AOAH: variants seen among roughly 807,000 people sequenced by gnomAD.
AOAH encodes acyloxyacyl hydrolase (neutrophil).
Under a neutral mutation model 92.2 loss-of-function variants are expected in AOAH, and 64 were observed. The ratio of observed to expected loss-of-function variants is 0.69; its 90% CI spans 0.57 to 0.86. The LOEUF is 0.86. Among genes scored for constraint, AOAH ranks in the 40% least tolerant of loss-of-function variants. The pLI, the probability that AOAH is intolerant of heterozygous loss-of-function variation, is 0.00. For synonymous variants in AOAH, 263 were observed against 254.5 expected (o/e 1.03, Z -0.32); for missense variants, 656 against 694.6 (o/e 0.94, Z 0.62).
intron 13 of AOAH, among the ~76,000 whole-genome samples, chr7:36,564,450 G>A (rs1350371904): frequency 1.3e-5 from 2 of 152,200 alleles, no homozygotes; most frequent in Non-Finnish European, 2.9e-5. Flanking sequence ...GGAGAGGAGG[G>A]GAGTGGTGGG....
intron 1 of AOAH, among the ~76,000 whole-genome samples, chr7:36,712,580 T>G (rs28491627): frequency 0.016 from 2,414 of 152,164 alleles, 71 homozygotes; most frequent in African/African-American, 0.055. Context: ...TCAAGCATAG[T>G]CGACCCCTGG....
chr7:36,699,501 CATT>C (rs1352168956), intron 1 of AOAH, among the ~76,000 whole-genome samples: 1 of 152,024 alleles, frequency 6.6e-6, no homozygotes, highest in Non-Finnish European at 1.5e-5. Flanking sequence ...GATCATGTCT[CATT>C]GTAGTTTTGA....
chr7:36,698,520 T>C (rs1172057054), intron 1 of AOAH, among the ~76,000 whole-genome samples: 2 of 152,084 alleles, frequency 1.3e-5, no homozygotes, highest in East Asian at 3.8e-4. Flanking sequence ...TGGAAACATA[T>C]TATTAATTTT....
rs68054405 is a variant in AOAH, at chr7:36,517,226, GTCTC to G, written c.1600-3850_1600-3847del. Among the ~76,000 whole-genome samples, 320 of 121,492 alleles carry G rather than the reference GTCTC, an allele frequency of 2.6e-3. 8 individuals are homozygous for G. The highest frequency in any genetic ancestry group is 7.6e-3 in the African/African-American group (179 of 23,636). The allele number at this position is 121,492 out of a possible 152,430, so 79.7% of individuals were successfully genotyped here. A position where few individuals can be genotyped will look rare whatever the true frequency, so the allele number is the denominator to read the frequency against. ...TCTTTCTTTCTTTCTCTTTCTTTCT[GTCTC>G]TCTCTCTCTCTCTCTTTCTTTCTGT... On this transcript the variant is annotated intron_variant, in intron 20 of 20. Transcript: ENST00000617537.
At chr7:36,663,983 GTTTA>G (rs1466496549) in intron 3 of AOAH, among the ~76,000 whole-genome samples, 2 of 151,776 alleles carry the variant, frequency 1.3e-5, no homozygotes, top group African/African-American at 2.4e-5. Context: ...CTTTTCATAA[GTTTA>G]TTTGTTATCT....
At chr7:36,549,043 A>C (rs6973404) in intron 14 of AOAH, among the ~76,000 whole-genome samples, 20,147 of 152,180 alleles carry the variant, frequency 0.13, 1,398 homozygotes, top group African/African-American at 0.16. Flanking sequence ...TCTTAGGATA[A>C]CCTGGCAGCC....
intron 13 of AOAH, among the ~76,000 whole-genome samples, chr7:36,555,196 G>C (rs374330956): frequency 5.0e-4 from 75 of 151,084 alleles, no homozygotes; most frequent in Middle Eastern, 3.4e-3. Flanking sequence ...TAGCATGAAG[G>C]GTTGTTGAAT....
chr7:36,679,630 A>G (rs1246880020), intron 2 of AOAH, among the ~76,000 whole-genome samples: 1 of 151,366 alleles, frequency 6.6e-6, no homozygotes, highest in Non-Finnish European at 1.5e-5. Context: ...ATTATATACA[A>G]ACTTGAAGCA....
Position 36,673,829 on chromosome 7 carries a change from G to A in AOAH, c.290+114C>T, listed in dbSNP as rs981198300. The A allele has an allele frequency of 8.8e-6, 6 of 684,464 alleles. No individual in the cohort carries two copies. The Admixed American group carries it at 8.9e-5, about 10-fold the overall frequency. 42.4% of individuals were successfully genotyped at this position (684,464 alleles called of 1,614,324 possible). On this transcript the variant is annotated intron_variant, in intron 3 of 20. Coordinates refer to ENST00000617537, the MANE Select transcript of AOAH (RefSeq NM_001637.4). The stretch of plus-strand genomic sequence containing the variant: ...TTACTAAGAGCTGGAATAACACCTC[G>A]AGCCCTGTCCAGAAAGCGCATCATG...
Position 36,659,029 on chromosome 7 carries a change from G to A in AOAH, c.390+137C>T, listed in dbSNP as rs750160207. The stretch of plus-strand genomic sequence containing the variant: ...AAAATGCAGGAATATTATTTCTTGC[G>A]GGGTAATTGAAAATGTCATCTTGCC... On this transcript the variant is annotated intron_variant, in intron 4 of 20. Coordinates refer to ENST00000617537, the MANE Select transcript of AOAH (RefSeq NM_001637.4). The A allele has an allele frequency of 8.5e-5, 61 of 714,470 alleles. No individual in the cohort carries two copies. In the Middle Eastern group the frequency reaches 1.0e-3, roughly 12 times the overall value. 44.3% of individuals were successfully genotyped at this position (714,470 alleles called of 1,614,324 possible). A position where few individuals can be genotyped will look rare whatever the true frequency, so the allele number is the denominator to read the frequency against.
chr7:36,717,321 CT>C (rs1375525007), intron 1 of AOAH, among the ~76,000 whole-genome samples: 1 of 152,106 alleles, frequency 6.6e-6, no homozygotes, highest in African/African-American at 2.4e-5. Flanking sequence ...TCAGTGAGAG[CT>C]ATCCCCTCAC....
At position 36,522,068 on chromosome 7, in the gene AOAH, C is replaced by G. The variant is rs776031901; in HGVS notation, c.1570G>C (p.Glu524Gln). The change falls in exon 20 of 21, where the codon GAG (glutamate) becomes CAG (glutamine). Residue 524 changes from glutamate (E) to glutamine (Q), a missense_variant. Glu to Gln is a conservative substitution (Grantham distance 29, BLOSUM62 2). Coordinates refer to ENST00000617537, the MANE Select transcript of AOAH (RefSeq NM_001637.4). ...KRGGQPWQLI[E>Q]PVDGFHPNEV... is the part of the protein sequence containing the mutation. The stretch of plus-strand genomic sequence containing the variant: ...TTGGGGTGGAATCCATCCACGGGCT[C>G]GATGAGCTGCCAGGGCTGTCCGCCT... 1.9e-6 allele frequency: 3 copies of G among 1,614,222 alleles called. No individual in the cohort carries two copies. The highest frequency in any genetic ancestry group is 2.2e-5 in the South Asian group (2 of 91,080).
chr7:36,682,279 C>A (rs1237182311), intron 2 of AOAH, among the ~76,000 whole-genome samples: 1 of 151,902 alleles, frequency 6.6e-6, no homozygotes, highest in Admixed American at 6.5e-5. Flanking sequence ...TCAGAAAAAT[C>A]TCAGAAAGCA....
chr7:36,621,569 C>T, intron 8 of AOAH, 141 bp downstream of exon 8: 3 of 844,676 alleles, frequency 3.6e-6, no homozygotes, highest in Non-Finnish European at 5.8e-6. Flanking sequence ...GTTCTTTTTT[C>T]ACTGAGCTTT....
intron 11 of AOAH, among the ~76,000 whole-genome samples, chr7:36,602,001 G>A (rs535845999): frequency 1.3e-5 from 2 of 152,294 alleles, no homozygotes; most frequent in African/African-American, 4.8e-5. Context: ...CAGATCAGTA[G>A]CAATAACTAC....
intron 20 of AOAH, among the ~76,000 whole-genome samples, chr7:36,513,600 G>A (rs965627955): frequency 3.3e-5 from 5 of 152,208 alleles, no homozygotes; most frequent in African/African-American, 1.2e-4. Flanking sequence ...CTGCTTCAGC[G>A]ATGGTGTCAC....
At chr7:36,692,663 A>G (rs1364658728) in intron 1 of AOAH, among the ~76,000 whole-genome samples, 3 of 152,172 alleles carry the variant, frequency 2.0e-5, no homozygotes, top group Non-Finnish European at 4.4e-5. Context: ...TGATTTAGAA[A>G]TATACTAAAA....
intron 1 of AOAH, among the ~76,000 whole-genome samples, chr7:36,710,957 G>C (rs1043484263): frequency 6.6e-6 from 1 of 152,142 alleles, no homozygotes; most frequent in African/African-American, 2.4e-5. Context: ...TGCAGATGAG[G>C]GGAGTGAAGT....
intron 1 of AOAH, among the ~76,000 whole-genome samples, chr7:36,696,632 C>T (rs916098060): frequency 4.6e-5 from 7 of 151,968 alleles, no homozygotes; most frequent in African/African-American, 1.4e-4. Flanking sequence ...GAGGCTGAGG[C>T]GGGTGGATCA....
Sources: gnomAD v4.1 joint callset for allele counts (sites outside exome capture counted in the v4.1 genomes callset) on GRCh38, gnomAD v4.1.1 for gene constraint, MANE v1.5 for transcripts, NCBI Gene and HGNC (gene_info 2026-07-23, HGNC 2026-07-21) for gene names.